CSMD2: variants seen among roughly 807,000 people sequenced by gnomAD.
CSMD2 encodes the protein CUB and Sushi multiple domains 2.
CSMD2 carries 130 observed loss-of-function variants against 398.5 expected under a neutral mutation model. The observed-to-expected ratio is 0.33, with a 90% CI of 0.28 to 0.38. CSMD2 has a LOEUF of 0.38. CSMD2 is among the 10% of genes least tolerant of loss of function. The probability of loss-of-function intolerance (pLI) is 1.00; values close to 1 mark genes in which losing one functional copy is unlikely to be tolerated. For synonymous variants in CSMD2, 1,828 were observed against 1,908.5 expected (o/e 0.96, Z 1.10); for missense variants, 3,829 against 4,764.9 (o/e 0.80, Z 5.78).
At position 34,142,346 on chromosome 1, in the gene CSMD2, A is replaced by G. The variant is rs992403717; in HGVS notation, c.187+22565T>C. 2.6e-5 allele frequency among the ~76,000 whole-genome samples: 4 copies of G among 152,250 alleles called. No homozygotes were observed. The East Asian group carries it at 7.7e-4, about 29-fold the overall frequency. On this transcript the variant is annotated intron_variant, in intron 1 of 70. Coordinates refer to ENST00000373381, the MANE Select transcript of CSMD2 (RefSeq NM_001281956.2). ...AACTTGTCCTTGGAGCCAAGGCCCA[A>G]GATCGGCTCTTCTCTGCCCCCTCAG...
intron 5 of CSMD2, among the ~76,000 whole-genome samples, chr1:33,853,850 G>A (rs1638884782): frequency 6.6e-6 from 1 of 152,200 alleles, no homozygotes; most frequent in Non-Finnish European, 1.5e-5. Context: ...TACTTTCAGT[G>A]GTGGGATATC....
At chr1:34,094,023 C>A (rs1658968253) in intron 1 of CSMD2, among the ~76,000 whole-genome samples, 1 of 151,940 alleles carries the variant, frequency 6.6e-6, no homozygotes, top group Non-Finnish European at 1.5e-5. Flanking sequence ...GTCAGGTTAC[C>A]CTCAAAGGGA....
chr1:33,989,557 C>A (rs1162030674), intron 3 of CSMD2, among the ~76,000 whole-genome samples: 1 of 151,874 alleles, frequency 6.6e-6, no homozygotes, highest in African/African-American at 2.4e-5. Flanking sequence ...TTATAATGAC[C>A]CCAAACCAAT....
At chr1:33,794,341 A>G (rs1654691098) in intron 10 of CSMD2, among the ~76,000 whole-genome samples, 1 of 152,218 alleles carries the variant, frequency 6.6e-6, no homozygotes, top group African/African-American at 2.4e-5. Flanking sequence ...CAGAAGAGGA[A>G]GGAAGTGATT....
At chr1:33,990,619 C>G (rs34149410) in intron 3 of CSMD2, among the ~76,000 whole-genome samples, 2 of 152,194 alleles carry the variant, frequency 1.3e-5, no homozygotes, top group Non-Finnish European at 2.9e-5. Context: ...TCACCCCAAA[C>G]TCAAGGGACT....
At chr1:33,962,220 T>C (rs1396991196) in intron 3 of CSMD2, among the ~76,000 whole-genome samples, 26 of 152,104 alleles carry the variant, frequency 1.7e-4, no homozygotes, top group Admixed American at 1.7e-3. Flanking sequence ...CCTCCCTCTG[T>C]TCAGGCTTCA....
chr1:34,142,215 G>A (rs1639362184), intron 1 of CSMD2, among the ~76,000 whole-genome samples: 1 of 152,144 alleles, frequency 6.6e-6, no homozygotes, highest in African/African-American at 2.4e-5. Flanking sequence ...TCCTGTCCTG[G>A]CGGCCCCCTC....
chr1:33,920,456 C>G (rs532039900), intron 4 of CSMD2, among the ~76,000 whole-genome samples: 1 of 144,892 alleles, frequency 6.9e-6, no homozygotes, highest in African/African-American at 2.5e-5. Context: ...GCAGAAGAAT[C>G]GCTTGAACCC....
At chr1:33,885,641 A>C (rs1641542053) in intron 5 of CSMD2, among the ~76,000 whole-genome samples, 1 of 152,170 alleles carries the variant, frequency 6.6e-6, no homozygotes, top group Non-Finnish European at 1.5e-5. Flanking sequence ...GCCCTGGAGC[A>C]CTTAGGAGAA....
chr1:34,131,579 C>G (rs1159918875), intron 1 of CSMD2, among the ~76,000 whole-genome samples: 1 of 152,148 alleles, frequency 6.6e-6, no homozygotes, highest in Non-Finnish European at 1.5e-5. Context: ...TACTCACCAT[C>G]AGGAACTGCA....
chr1:33,593,488 G>A (rs562996245), intron 44 of CSMD2, among the ~76,000 whole-genome samples: 5 of 152,306 alleles, frequency 3.3e-5, no homozygotes, highest in African/African-American at 1.2e-4. Flanking sequence ...TCACATGGTG[G>A]CAGACAAGAC....
chr1:33,890,022 T>C (rs1193196434), intron 5 of CSMD2, among the ~76,000 whole-genome samples: 1 of 138,618 alleles, frequency 7.2e-6, no homozygotes, highest in Non-Finnish European at 1.5e-5. Context: ...AACACAGCTC[T>C]TTAAAAACAA....
At chr1:34,058,975 T>C (rs959526005) in intron 2 of CSMD2, among the ~76,000 whole-genome samples, 1 of 152,120 alleles carries the variant, frequency 6.6e-6, no homozygotes, top group Admixed American at 6.5e-5. Flanking sequence ...GGTCAGTGAA[T>C]GTCCTAGGCA....
intron 65 of CSMD2, among the ~76,000 whole-genome samples, chr1:33,525,948 C>T (rs2794594): frequency 0.37 from 56,246 of 151,912 alleles, 10,506 homozygotes; most frequent in Middle Eastern, 0.45. Flanking sequence ...CCTCCCAAAG[C>T]GCTGGGATTA....
At chr1:33,790,840 TC>T (rs1383741894) in intron 11 of CSMD2, among the ~76,000 whole-genome samples, 32 of 151,600 alleles carry the variant, frequency 2.1e-4, no homozygotes, top group Non-Finnish European at 4.4e-4. Flanking sequence ...TATCTATCTA[TC>T]TATCATCTAT....
At chr1:33,909,483 C>T (rs1643324556) in intron 5 of CSMD2, among the ~76,000 whole-genome samples, 1 of 152,084 alleles carries the variant, frequency 6.6e-6, no homozygotes. Context: ...TAACTTCAGT[C>T]TCCCCCAAAT....
At chr1:33,892,188 T>G (rs2125210535) in intron 5 of CSMD2, among the ~76,000 whole-genome samples, 1 of 152,002 alleles carries the variant, frequency 6.6e-6, no homozygotes, top group East Asian at 1.9e-4. Flanking sequence ...AAATATAATT[T>G]GCATTTAAAG....
chr1:33,757,886 C>T (rs1649261772), intron 13 of CSMD2, among the ~76,000 whole-genome samples: 1 of 152,126 alleles, frequency 6.6e-6, no homozygotes, highest in South Asian at 2.1e-4. Flanking sequence ...AAGTGGAGGC[C>T]CTCTTTCTAC....
chr1:33,909,242 A>G (rs1408890014), intron 5 of CSMD2, among the ~76,000 whole-genome samples: 1 of 152,106 alleles, frequency 6.6e-6, no homozygotes, highest in Non-Finnish European at 1.5e-5. Flanking sequence ...TCAGGAGCAA[A>G]TAGGACATTG....
Sources: gnomAD v4.1 joint callset for allele counts (sites outside exome capture counted in the v4.1 genomes callset) on GRCh38, gnomAD v4.1.1 for gene constraint, MANE v1.5 for transcripts, NCBI Gene and HGNC (gene_info 2026-07-23, HGNC 2026-07-21) for gene names.